Variants in NCALD observed in about 807,000 individuals in gnomAD.
NCALD encodes the protein neurocalcin-delta.
A neutral mutation model predicts 18.6 loss-of-function variants in NCALD; 10 were observed. That is an observed-to-expected ratio of 0.54 (90% CI 0.33 to 0.91). The LOEUF is 0.91. NCALD is among the 40% of genes least tolerant of loss of function. The pLI is 0.03. For missense variants in NCALD, 184 were observed against 247.6 expected (o/e 0.74, Z 1.72); for synonymous variants, 88 against 87.4 (o/e 1.01, Z -0.04).
intron 1 of NCALD, among the ~76,000 whole-genome samples, chr8:102,027,610 C>G (rs930046263): frequency 6.6e-6 from 1 of 152,170 alleles, no homozygotes; most frequent in Non-Finnish European, 1.5e-5. Context: ...TACCTGTTAC[C>G]CATTTCCAAA....
At chr8:102,008,523 G>C (rs1257730104) in intron 2 of NCALD, among the ~76,000 whole-genome samples, 1 of 149,110 alleles carries the variant, frequency 6.7e-6, no homozygotes, top group East Asian at 2.0e-4. Context: ...CCTTCCTTCT[G>C]TTTCTTAAAA....
At chr8:102,080,539 C>A (rs1450246131) in intron 1 of NCALD, among the ~76,000 whole-genome samples, 1 of 152,178 alleles carries the variant, frequency 6.6e-6, no homozygotes, top group East Asian at 1.9e-4. Flanking sequence ...TTAACATATT[C>A]TTGTCAGGAG....
At chr8:102,064,418 G>C (rs978563132) in intron 1 of NCALD, among the ~76,000 whole-genome samples, 1 of 152,206 alleles carries the variant, frequency 6.6e-6, no homozygotes, top group African/African-American at 2.4e-5. Context: ...GGGCAAGGCA[G>C]GCTGAGGGAG....
At chr8:101,891,537 G>GGTCTACAGCTCCC (rs1563863846) in intron 3 of NCALD, among the ~76,000 whole-genome samples, 2 of 152,282 alleles carry the variant, frequency 1.3e-5, no homozygotes, top group East Asian at 3.9e-4. Context: ...GAACAGCTCC[G>GGTCTACAGCTCCC]GTCTACAGCT....
At chr8:101,767,668 C>G (rs1811407581) in intron 1 of NCALD, among the ~76,000 whole-genome samples, 1 of 152,222 alleles carries the variant, frequency 6.6e-6, no homozygotes, top group African/African-American at 2.4e-5. Flanking sequence ...CCTTACCATT[C>G]CATGTTGGGA....
intron 1 of NCALD, among the ~76,000 whole-genome samples, chr8:102,084,288 G>A (rs1217976592): frequency 6.6e-6 from 1 of 152,234 alleles, no homozygotes; most frequent in Non-Finnish European, 1.5e-5. Context: ...GAATCTGTAT[G>A]AGTCTGCAGC....
chr8:101,736,751 G>A (rs577917223), intron 1 of NCALD, among the ~76,000 whole-genome samples: 95 of 152,214 alleles, frequency 6.2e-4, no homozygotes, highest in African/African-American at 2.2e-3. Flanking sequence ...GGGTCTGGGC[G>A]GAATAAGAAC....
rs370880886 is a variant in NCALD at position 101,875,282 on chromosome 8, C to T, written c.-20+11859G>A. ...TGTCAGGATGCTGGACTCCAAAGTC[C>T]TGGCTCTTCATCCTGTTCCGGGAGC... On this transcript the variant is annotated intron_variant, in intron 4 of 6. Coordinates refer to the NCALD transcript ENST00000311028. 4.6e-5 allele frequency among the ~76,000 whole-genome samples: 7 copies of T among 152,346 alleles called. No homozygotes were observed. In the South Asian group the frequency reaches 6.2e-4, roughly 14 times the overall value.
chr8:101,699,452 A>T (rs1815156897), intron 2 of NCALD, among the ~76,000 whole-genome samples: 1 of 152,248 alleles, frequency 6.6e-6, no homozygotes, highest in South Asian at 2.1e-4. Context: ...CTATAAAGAC[A>T]CATGCACATG....
chr8:102,045,527 T>C (rs929500826), intron 1 of NCALD, among the ~76,000 whole-genome samples: 1 of 152,232 alleles, frequency 6.6e-6, no homozygotes, highest in African/African-American at 2.4e-5. Flanking sequence ...TGGTTTATGG[T>C]AAACAGTCAA....
rs182833546 is a variant in NCALD, at chr8:102,091,525, T to C, written c.-210+32712A>G. Among the ~76,000 whole-genome samples, 231 of 152,346 alleles carry C rather than the reference T, an allele frequency of 1.5e-3. 2 individuals carry two copies. Among genetic ancestry groups the C allele is most frequent in the Non-Finnish European group, 2.8e-3 (192 of 68,024 alleles). On this transcript the variant is annotated intron_variant, in intron 1 of 6. Transcript: ENST00000311028. ...TAATTCTAGGCACATTGTAATCATC[T>C]AGCAACCCCATATCAGCATGGTTTC...
At chr8:101,776,432 G>A (rs1187285852) in intron 1 of NCALD, among the ~76,000 whole-genome samples, 1 of 152,124 alleles carries the variant, frequency 6.6e-6, no homozygotes, top group Non-Finnish European at 1.5e-5. Context: ...GGAATTAACA[G>A]CCTGCTTCCT....
At chr8:101,698,999 G>A (rs1266395278) in intron 2 of NCALD, among the ~76,000 whole-genome samples, 1 of 151,880 alleles carries the variant, frequency 6.6e-6, no homozygotes, top group Non-Finnish European at 1.5e-5. Context: ...CCTACAGAAT[G>A]GGAGAAAATT....
chr8:101,691,715 C>G, intron 3 of NCALD: 1 of 985,380 alleles, frequency 1.0e-6, no homozygotes, highest in Non-Finnish European at 1.2e-6. Flanking sequence ...AGCAAGCAGA[C>G]AGGCCCATAC....
upstream of NCALD, among the ~76,000 whole-genome samples, chr8:101,794,377 A>G (rs542340030): frequency 1.4e-4 from 21 of 152,278 alleles, no homozygotes; most frequent in Admixed American, 5.2e-4. Flanking sequence ...TTTTCTTCCT[A>G]CTAATAGGGA....
intron 1 of NCALD, among the ~76,000 whole-genome samples, chr8:101,758,001 G>A (rs922956406): frequency 1.3e-5 from 2 of 152,060 alleles, no homozygotes; most frequent in African/African-American, 4.8e-5. Flanking sequence ...ATGTTGCCCA[G>A]CTGGTCTCAA....
intron 4 of NCALD, among the ~76,000 whole-genome samples, chr8:101,853,509 C>T (rs943834387): frequency 1.3e-5 from 2 of 152,150 alleles, no homozygotes; most frequent in African/African-American, 4.8e-5. Flanking sequence ...GAGATTTAAG[C>T]TTATTAAAAT....
At chr8:101,866,527 C>A (rs1815777355) in intron 4 of NCALD, among the ~76,000 whole-genome samples, 1 of 152,158 alleles carries the variant, frequency 6.6e-6, no homozygotes, top group African/African-American at 2.4e-5. Context: ...TAATATGTCC[C>A]CAGATTGTCC....
At chr8:101,868,017 G>GTT (rs530616190) in intron 4 of NCALD, among the ~76,000 whole-genome samples, 41 of 152,208 alleles carry the variant, frequency 2.7e-4, no homozygotes, top group East Asian at 2.5e-3. Flanking sequence ...TAGGTTTTTA[G>GTT]TTTTGCTAAG....
Sources: gnomAD v4.1 joint callset for allele counts (sites outside exome capture counted in the v4.1 genomes callset) on GRCh38, gnomAD v4.1.1 for gene constraint, MANE v1.5 for transcripts, NCBI Gene and HGNC (gene_info 2026-07-23, HGNC 2026-07-21) for gene names.